The following ALK variants were observed in gnomAD, a reference collection of about 807,000 sequenced individuals.
ALK encodes ALK tyrosine kinase receptor.
ALK carries 74 observed loss-of-function variants against 163.1 expected under a neutral mutation model. The observed-to-expected ratio is 0.45, with a 90% CI of 0.38 to 0.55. The LOEUF (loss-of-function observed/expected upper bound fraction) is 0.55. ALK is among the 20% of genes least tolerant of loss of function. The pLI is 0.00. For missense variants in ALK, 2,063 were observed against 2,105.3 expected, an observed-to-expected ratio of 0.98 and a Z score of 0.39; for synonymous variants, 960 against 843.2, an observed-to-expected ratio of 1.14 and a Z score of -2.40.
chr2:29,569,797 T>C (rs944435766), intron 3 of ALK, among the ~76,000 whole-genome samples: 2 of 152,116 alleles, frequency 1.3e-5, no homozygotes, highest in Admixed American at 6.5e-5. Context: ...TGCTTTCCAG[T>C]TGAAAGTTCT....
intron 3 of ALK, among the ~76,000 whole-genome samples, chr2:29,582,723 G>A (rs1674743930): frequency 6.6e-6 from 1 of 152,226 alleles, no homozygotes; most frequent in South Asian, 2.1e-4. Context: ...GAGACCAAGT[G>A]TGAGAGAGAC....
At chr2:29,544,907 T>C (rs534060553) in intron 3 of ALK, among the ~76,000 whole-genome samples, 47 of 152,294 alleles carry the variant, frequency 3.1e-4, no homozygotes, top group African/African-American at 9.9e-4. Flanking sequence ...GCAAAGAAGT[T>C]CAGGACTTGC....
chr2:29,843,966 A>C (rs1665769184), intron 1 of ALK, among the ~76,000 whole-genome samples: 1 of 152,152 alleles, frequency 6.6e-6, no homozygotes, highest in South Asian at 2.1e-4. Flanking sequence ...TCAAAAACAG[A>C]GGTAAATTTC....
chr2:29,334,940 G>A (rs1336053677), intron 5 of ALK, among the ~76,000 whole-genome samples: 1 of 152,154 alleles, frequency 6.6e-6, no homozygotes, highest in Non-Finnish European at 1.5e-5. Context: ...TGTATCCTTG[G>A]TGAATGATTT....
intron 4 of ALK, among the ~76,000 whole-genome samples, chr2:29,384,883 T>A (rs533035249): frequency 6.6e-6 from 1 of 152,222 alleles, no homozygotes; most frequent in South Asian, 2.1e-4. Flanking sequence ...AAACCCTGTC[T>A]CTACTAAAAA....
intron 4 of ALK, among the ~76,000 whole-genome samples, chr2:29,491,701 G>C (rs1007292717): frequency 6.6e-6 from 1 of 152,178 alleles, no homozygotes; most frequent in African/African-American, 2.4e-5. Context: ...GAAACAGGTT[G>C]TTACTTTCAC....
At chr2:29,355,684 T>C (rs1268315372) in intron 5 of ALK, among the ~76,000 whole-genome samples, 3 of 152,216 alleles carry the variant, frequency 2.0e-5, no homozygotes, top group African/African-American at 7.2e-5. Context: ...TAAAAGTCAC[T>C]GAACTGTCAG....
chr2:29,799,047 C>G (rs1216981119), intron 1 of ALK, among the ~76,000 whole-genome samples: 1 of 152,158 alleles, frequency 6.6e-6, no homozygotes, highest in East Asian at 1.9e-4. Flanking sequence ...CCTCACACAG[C>G]TATTGTGAGA....
chr2:29,546,060 A>G (rs1448067013), intron 3 of ALK, among the ~76,000 whole-genome samples: 2 of 152,218 alleles, frequency 1.3e-5, no homozygotes, highest in Non-Finnish European at 2.9e-5. Flanking sequence ...GTGTACATCA[A>G]TAGATGGATA....
intron 3 of ALK, among the ~76,000 whole-genome samples, chr2:29,668,786 G>T (rs1190246583): frequency 6.6e-6 from 1 of 152,118 alleles, no homozygotes; most frequent in Non-Finnish European, 1.5e-5. Context: ...AGAAAAAGAG[G>T]TTTAATGGAC....
chr2:29,507,288 C>A lies in ALK; in HGVS notation c.1154+24627G>T, dbSNP rs1174807226. On this transcript the variant is annotated intron_variant, in intron 4 of 28. Transcript: ENST00000389048. ...ATGTCAATCACAAAACGACAAATAC[C>A]ATCGAATTCTACATTTTTGAGGTAC... is the stretch of plus-strand genomic sequence containing the variant. 2.0e-5 allele frequency among the ~76,000 whole-genome samples: 3 copies of A among 152,150 alleles called. No individual in the cohort carries two copies. In the East Asian group the frequency reaches 5.8e-4, roughly 29 times the overall value.
chr2:29,199,400 ATCT>A lies in ALK; in HGVS notation c.3939-1727_3939-1725del, dbSNP rs1558607888. On this transcript the variant is annotated intron_variant, in intron 26 of 28. Transcript: ENST00000389048. ...ACCAAAGATTAGATAAATATTTGCT[ATCT>A]TCTTCTAGTTGTGTTTGTTTTTGCT... Among the ~76,000 whole-genome samples the A allele has an allele frequency of 2.6e-5, 4 of 152,226 alleles. No homozygotes were observed. In the South Asian group the frequency reaches 6.2e-4, roughly 24 times the overall value.
At chr2:29,710,301 C>G (rs1363798287) in intron 2 of ALK, among the ~76,000 whole-genome samples, 2 of 152,158 alleles carry the variant, frequency 1.3e-5, no homozygotes, top group Non-Finnish European at 2.9e-5. Context: ...ATTACCCAGT[C>G]TCAGGTTTGT....
chr2:29,502,253 A>G (rs1268530500), intron 4 of ALK, among the ~76,000 whole-genome samples: 1 of 152,230 alleles, frequency 6.6e-6, no homozygotes, highest in Admixed American at 6.5e-5. Flanking sequence ...TTGAGGGTAC[A>G]GACCATTGCT....
chr2:29,245,970 G>A (rs1664660374), intron 12 of ALK, among the ~76,000 whole-genome samples: 1 of 151,874 alleles, frequency 6.6e-6, no homozygotes, highest in African/African-American at 2.4e-5. Context: ...CATTGACAGA[G>A]ACCATCAGGA....
At chr2:29,580,002 C>T (rs1047979590) in intron 3 of ALK, among the ~76,000 whole-genome samples, 1 of 152,104 alleles carries the variant, frequency 6.6e-6, no homozygotes, top group African/African-American at 2.4e-5. Flanking sequence ...CTCCTCAACC[C>T]ACTCACCCCA....
At chr2:29,824,519 C>T (rs1290448133) in intron 1 of ALK, among the ~76,000 whole-genome samples, 23 of 152,200 alleles carry the variant, frequency 1.5e-4, no homozygotes, top group Admixed American at 1.5e-3. Context: ...CAGAGCTGTC[C>T]GAGGCTGTGG....
chr2:29,885,863 A>T (rs1666972702), intron 1 of ALK, among the ~76,000 whole-genome samples: 2 of 152,214 alleles, frequency 1.3e-5, no homozygotes, highest in Admixed American at 1.3e-4. Context: ...AGAAGAATTG[A>T]TATTGTATAG....
chr2:29,749,898 T>C (rs1472445214), intron 1 of ALK, among the ~76,000 whole-genome samples: 1 of 152,152 alleles, frequency 6.6e-6, no homozygotes, highest in East Asian at 1.9e-4. Context: ...CCTATGGTAA[T>C]CAGAAGTGCA....
Sources: allele counts gnomAD v4.1 joint callset (sites outside exome capture counted in the v4.1 genomes callset), GRCh38; gene constraint gnomAD v4.1.1; transcripts MANE v1.5; gene names NCBI Gene and HGNC (gene_info 2026-07-23, HGNC 2026-07-21).